The following S100P variants were observed in gnomAD, a reference collection of about 807,000 sequenced individuals.
S100P encodes S100 calcium binding protein P.
In S100P, 7 loss-of-function variants were observed where a neutral mutation model predicts 4.7. The ratio of observed to expected loss-of-function variants is 1.48; its 90% CI spans 0.84 to 2.77. The LOEUF (loss-of-function observed/expected upper bound fraction) is 2.77, where lower values mean the gene tolerates loss of function less well. S100P is among the 30% of genes most tolerant of loss of function. The probability of loss-of-function intolerance (pLI) is 0.00; values close to 1 mark genes in which losing one functional copy is unlikely to be tolerated. For synonymous variants in S100P, 48 were observed against 49.0 expected (o/e 0.98, Z 0.08); for missense variants, 122 against 120.6 (o/e 1.01, Z -0.06).
At position 6,694,068 on chromosome 4, in the gene S100P, C is replaced by A. The variant is rs1390487305; in HGVS notation, c.136C>A (p.Gln46Lys). The change falls in exon 1 of 2, where the codon CAG becomes AAG. Residue 46 changes from glutamine (Q) to lysine (K), a missense_variant and splice_region_variant. Transcript: ENST00000296370. ...GGAGAAGGAGCTACCAGGCTTCCTGCAGGTGAGCCAGGCCGGCAGTGCTGG... is the reference window on the plus strand; with the variant it reads ...GGAGAAGGAGCTACCAGGCTTCCTGAAGGTGAGCCAGGCCGGCAGTGCTGG... ...LMEKELPGFL[Q>K]SGKDKDAVDK... 2 of 1,607,608 alleles carry A rather than the reference C, an allele frequency of 1.2e-6. No individual in the cohort carries two copies. The highest frequency in any genetic ancestry group is 1.7e-6 in the Non-Finnish European group (2 of 1,176,662).
chr4:6,696,825 T>C, intron 1 of S100P, 68 bp from the exon 2 acceptor site: 1 of 1,493,166 alleles, frequency 6.7e-7, no homozygotes, highest in Non-Finnish European at 9.1e-7. Flanking sequence ...CCAGCAGCAG[T>C]GCTTGGTGGA....
intron 1 of S100P, among the ~76,000 whole-genome samples, chr4:6,695,821 G>GGCCTT (rs1714360067): frequency 1.4e-5 from 2 of 145,374 alleles, no homozygotes; most frequent in African/African-American, 5.1e-5. Context: ...GGGCTGGGCT[G>GGCCTT]GCCTTCTGGC....
At chr4:6,694,444 C>T (rs1714319838) in intron 1 of S100P, among the ~76,000 whole-genome samples, 1 of 152,220 alleles carries the variant, frequency 6.6e-6, no homozygotes, top group South Asian at 2.1e-4. Context: ...CTTGAGCCCT[C>T]GGGGCTGTCC....
chr4:6,694,774 C>A (rs189733848), intron 1 of S100P, among the ~76,000 whole-genome samples: 230 of 152,204 alleles, frequency 1.5e-3, no homozygotes, highest in Non-Finnish European at 6.6e-4. Flanking sequence ...CCTGTCCTCT[C>A]CTTCTTTCTC....
At chr4:6,695,862 C>T (rs1465169891) in intron 1 of S100P, among the ~76,000 whole-genome samples, 3 of 152,216 alleles carry the variant, frequency 2.0e-5, no homozygotes, top group Non-Finnish European at 4.4e-5. Context: ...CCCAGCGCCC[C>T]GCACAGTCGG....
chr4:6,696,203 G>A (rs917534599), intron 1 of S100P, among the ~76,000 whole-genome samples: 4 of 152,196 alleles, frequency 2.6e-5, no homozygotes, highest in South Asian at 2.1e-4. Context: ...CAGTGAGAAC[G>A]CTTTGCTATC....
At position 6,696,879 on chromosome 4, in the gene S100P, T is replaced by C. The variant is rs757583212; in HGVS notation, c.139-14T>C. 6.2e-7 allele frequency: 1 copy of C among 1,607,972 alleles called. No homozygotes were observed. Among genetic ancestry groups the C allele is most frequent in the Non-Finnish European group, 8.5e-7 (1 of 1,176,476 alleles). ...GCACCCTCACTGCTGACCTTGAGCCTCTCTCTCCTCTAGAGTGGAAAAGAC... is the reference window on the plus strand; with the variant it reads ...GCACCCTCACTGCTGACCTTGAGCCCCTCTCTCCTCTAGAGTGGAAAAGAC... On this transcript the variant is annotated splice_polypyrimidine_tract_variant and intron_variant, in intron 1 of 1. Coordinates refer to ENST00000296370, the MANE Select transcript of S100P (RefSeq NM_005980.3).
intron 1 of S100P, among the ~76,000 whole-genome samples, chr4:6,696,608 C>T (rs1050752793): frequency 2.0e-5 from 3 of 152,254 alleles, no homozygotes; most frequent in Non-Finnish European, 2.9e-5. Flanking sequence ...CCAAAGACAA[C>T]CCCCGGCAAA....
At position 6,694,020 on chromosome 4, in the gene S100P, A is replaced by C; in HGVS notation, c.88A>C (p.Lys30Gln). 7 of 1,613,998 alleles carry C rather than the reference A, an allele frequency of 4.3e-6. No individual in the cohort carries two copies. The highest frequency in any genetic ancestry group is 5.9e-6 in the Non-Finnish European group (7 of 1,179,992). The part of the protein sequence containing the change: ...GSEGSTQTLT[K>Q]GELKVLMEKE... ...CGAGGGCAGCACGCAGACCCTGACC[A>C]AGGGGGAGCTCAAGGTGCTGATGGA... The change falls in exon 1 of 2, where the codon AAG becomes CAG. Residue 30 changes from lysine to glutamine, a missense_variant. Physicochemically the swap from Lys to Gln is moderately conservative, Grantham distance 53. Transcript: ENST00000296370.
intron 1 of S100P, among the ~76,000 whole-genome samples, chr4:6,694,886 G>A (rs1444548899): frequency 6.6e-6 from 1 of 151,994 alleles, no homozygotes; most frequent in Non-Finnish European, 1.5e-5. Context: ...AATCAAAAAT[G>A]AAAGCCTGAA....
At chr4:6,694,682 G>A (rs1714323684) in intron 1 of S100P, among the ~76,000 whole-genome samples, 1 of 152,170 alleles carries the variant, frequency 6.6e-6, no homozygotes, top group Non-Finnish European at 1.5e-5. Context: ...GGGCGGCCAG[G>A]ACCAGCTTCC....
At chr4:6,695,320 C>T (rs1022867669) in intron 1 of S100P, among the ~76,000 whole-genome samples, 2 of 152,122 alleles carry the variant, frequency 1.3e-5, no homozygotes, top group Non-Finnish European at 2.9e-5. Flanking sequence ...AAATAAAGTT[C>T]TGTTTTTGGT....
At chr4:6,696,322 C>G (rs76130648) in intron 1 of S100P, among the ~76,000 whole-genome samples, 2,453 of 152,308 alleles carry the variant, frequency 0.016, 68 homozygotes, top group African/African-American at 0.056. Context: ...TTGCTCCATG[C>G]TCGCTCCACA....
Position 6,697,075 on chromosome 4 carries a change from C to A in S100P, c.*33C>A. On this transcript the variant is annotated 3_prime_UTR_variant, in exon 2 of 2. Coordinates refer to ENST00000296370, the MANE Select transcript of S100P (RefSeq NM_005980.3). ...GAGATGTCACAGATTCCTGGCAGAG[C>A]CATGGTCCCAGGCTTCCCAAAAGTG... is the stretch of plus-strand genomic sequence containing the variant. 6.3e-7 allele frequency: 1 copy of A among 1,590,446 alleles called. No individual in the cohort carries two copies. The highest frequency in any genetic ancestry group is 8.6e-7 in the Non-Finnish European group (1 of 1,163,670).
At chr4:6,694,899 T>G (rs1350102665) in intron 1 of S100P, among the ~76,000 whole-genome samples, 1 of 152,096 alleles carries the variant, frequency 6.6e-6, no homozygotes, top group Non-Finnish European at 1.5e-5. Context: ...AGCCTGAAAT[T>G]TTCAGCCCTA....
Position 6,695,209 on chromosome 4 carries a change from G to A in S100P, c.138+1139G>A, listed in dbSNP as rs371055858. 3.0e-4 allele frequency among the ~76,000 whole-genome samples: 46 copies of A among 152,170 alleles called. No individual in the cohort carries two copies. The South Asian group carries it at 4.8e-3, about 16-fold the overall frequency. Reference sequence around the variant, plus strand: ...TCAAACTCCTGTGCTCAGGCAATGCGTCAGCCTCGACATCTCAAAGTGCTG... The same window carrying A: ...TCAAACTCCTGTGCTCAGGCAATGCATCAGCCTCGACATCTCAAAGTGCTG... On this transcript the variant is annotated intron_variant, in intron 1 of 1. Transcript: ENST00000296370.
chr4:6,696,866 C>T, intron 1 of S100P, 27 bp from the exon 2 acceptor site: 1 of 1,601,454 alleles, frequency 6.2e-7, no homozygotes, highest in Admixed American at 1.7e-5. Context: ...ACCCTCACTG[C>T]TGACCTTGAG....
chr4:6,694,110 GGAA>G, intron 1 of S100P, 40 bp downstream of exon 1: 3 of 1,558,016 alleles, frequency 1.9e-6, no homozygotes, highest in Non-Finnish European at 1.7e-6. Context: ...CGGGGGCTGG[GGAA>G]GAAGGGGAAG....
At chr4:6,696,794 A>T in intron 1 of S100P, 99 bp from the exon 2 acceptor site, 1 of 972,988 alleles carries the variant, frequency 1.0e-6, no homozygotes, top group Admixed American at 2.6e-5. Flanking sequence ...GGTGACGCAG[A>T]TGTGGGTGCC....
Sources: allele counts gnomAD v4.1 joint callset (sites outside exome capture counted in the v4.1 genomes callset), GRCh38; gene constraint gnomAD v4.1.1; transcripts MANE v1.5; gene names NCBI Gene and HGNC (gene_info 2026-07-23, HGNC 2026-07-21).